Variants in SDK1 observed in about 807,000 individuals in gnomAD.
SDK1 encodes the protein sidekick cell adhesion molecule 1, also known as protein sidekick-1.
A neutral mutation model predicts 245.5 loss-of-function variants in SDK1; 157 were observed. The observed-to-expected ratio is 0.64, with a 90% CI of 0.56 to 0.73. The LOEUF (loss-of-function observed/expected upper bound fraction) is 0.73, where lower values mean the gene tolerates loss of function less well. Ranked by LOEUF, SDK1 falls within the 30% of genes least tolerant of loss-of-function variation. The pLI, the probability that SDK1 is intolerant of heterozygous loss-of-function variation, is 0.00. For missense variants in SDK1, 3,583 were observed against 3,002.3 expected (o/e 1.19, Z -4.52); for synonymous variants, 1,647 against 1,278.5 (o/e 1.29, Z -6.15).
At position 4,170,558 on chromosome 7, in the gene SDK1, C is replaced by A. The variant is rs150679797; in HGVS notation, c.4801-3664C>A. Reference sequence around the variant, plus strand: ...CAGGATTTCCACCACGCCCCCACATCTCTGGTGGTGCTTTCATCACGACAC... The same window carrying A: ...CAGGATTTCCACCACGCCCCCACATATCTGGTGGTGCTTTCATCACGACAC... On this transcript the variant is annotated intron_variant, in intron 32 of 44. Coordinates refer to ENST00000404826, the MANE Select transcript of SDK1 (RefSeq NM_152744.4). Among the ~76,000 whole-genome samples the A allele has an allele frequency of 3.0e-4, 46 of 152,330 alleles. 1 individual carries two copies. The East Asian group carries it at 7.7e-3, about 26-fold the overall frequency.
intron 1 of SDK1, among the ~76,000 whole-genome samples, chr7:3,538,096 C>A (rs1055445160): frequency 6.6e-6 from 1 of 152,088 alleles, no homozygotes; most frequent in Non-Finnish European, 1.5e-5. Flanking sequence ...TGGCCTTAGT[C>A]CCCACATTAT....
chr7:4,105,357 A>T (rs1331403288), intron 22 of SDK1, among the ~76,000 whole-genome samples: 1 of 145,214 alleles, frequency 6.9e-6, no homozygotes, highest in African/African-American at 2.6e-5. Context: ...GCCAGGCTGG[A>T]GTGCAGTGGC....
rs78904234 is a variant in SDK1 at position 3,644,590 on chromosome 7, C to G, written c.713+2485C>G. 5.5e-3 allele frequency among the ~76,000 whole-genome samples: 832 copies of G among 150,952 alleles called. 11 individuals are homozygous for G. Among genetic ancestry groups the G allele is most frequent in the African/African-American group, 0.019 (782 of 41,130 alleles). On this transcript the variant is annotated intron_variant, in intron 4 of 44. Coordinates refer to ENST00000404826, the MANE Select transcript of SDK1 (RefSeq NM_152744.4). ...AACAGCCTGGGCAACATACTGAAAC[C>G]TTATCTCTACTGAAAATTAAAAAAA...
chr7:3,358,884 T>A (rs1780878548), intron 1 of SDK1, among the ~76,000 whole-genome samples: 1 of 152,216 alleles, frequency 6.6e-6, no homozygotes, highest in African/African-American at 2.4e-5. Context: ...TGTTAAATGA[T>A]TGTTATGGGT....
chr7:3,560,985 C>T (rs1562563830), intron 1 of SDK1, among the ~76,000 whole-genome samples: 1 of 152,192 alleles, frequency 6.6e-6, no homozygotes, highest in Non-Finnish European at 1.5e-5. Context: ...AACATAAGGT[C>T]CTTTCTCACA....
intron 1 of SDK1, among the ~76,000 whole-genome samples, chr7:3,524,889 G>A (rs1029534268): frequency 1.3e-5 from 2 of 152,158 alleles, no homozygotes; most frequent in Admixed American, 6.5e-5. Flanking sequence ...AGTCACATCT[G>A]TAATCCCAGC....
chr7:3,641,054 CTA>C (rs1782634040), intron 3 of SDK1, among the ~76,000 whole-genome samples: 1 of 152,062 alleles, frequency 6.6e-6, no homozygotes, highest in African/African-American at 2.4e-5. Context: ...TTTGAAAAAA[CTA>C]TGAGTATTTT....
chr7:3,864,061 G>T (rs1006486459), intron 5 of SDK1, among the ~76,000 whole-genome samples: 5 of 152,094 alleles, frequency 3.3e-5, no homozygotes, highest in South Asian at 2.1e-4. Flanking sequence ...GTGCACACAG[G>T]TTCCAATTTT....
intron 1 of SDK1, among the ~76,000 whole-genome samples, chr7:3,500,703 G>A (rs1224074616): frequency 6.6e-6 from 1 of 151,930 alleles, no homozygotes; most frequent in Non-Finnish European, 1.5e-5. Context: ...TTCTAAGAAG[G>A]CTTCTAGAGT....
rs369367576 is a variant in SDK1, at chr7:3,535,001, C to T, written c.299-84079C>T. Among the ~76,000 whole-genome samples the T allele has an allele frequency of 8.7e-4, 132 of 152,274 alleles. 3 individuals are homozygous for T. In the South Asian group the frequency reaches 0.027, roughly 31 times the overall value. On this transcript the variant is annotated intron_variant, in intron 1 of 44. Coordinates refer to ENST00000404826, the MANE Select transcript of SDK1 (RefSeq NM_152744.4). Reference sequence around the variant, plus strand: ...CCCCGTGGGCTGTGTAAATGTCATGCAGTGGCTCACTCCTGTAATCCCAGC... The same window carrying T: ...CCCCGTGGGCTGTGTAAATGTCATGTAGTGGCTCACTCCTGTAATCCCAGC...
At chr7:4,239,766 C>T (rs1214667754) in intron 42 of SDK1, among the ~76,000 whole-genome samples, 1 of 152,226 alleles carries the variant, frequency 6.6e-6, no homozygotes, top group East Asian at 1.9e-4. Flanking sequence ...TGGGCCAGAC[C>T]TCTTCCTGAG....
In SDK1 at chr7:4,149,398, T is replaced by C. The variant is rs1429902470; in HGVS notation, c.4560T>C (p.Pro1520=). 6.3e-7 allele frequency: 1 copy of C among 1,582,546 alleles called. No individual in the cohort carries two copies. Among genetic ancestry groups the C allele is most frequent in the Middle Eastern group, 1.7e-4 (1 of 5,976 alleles). The change falls in exon 30 of 45, where the codon CCT becomes CCC. Residue 1520 remains proline, a synonymous_variant. Coordinates refer to ENST00000404826, the MANE Select transcript of SDK1 (RefSeq NM_152744.4). ...TCACCATGCAGGTGCGAGAGCTGCCTCGGGGTGAGTGGCAGACCTACTCCT... is the reference window on the plus strand; with the variant it reads ...TCACCATGCAGGTGCGAGAGCTGCCCCGGGGTGAGTGGCAGACCTACTCCT... The part of the protein sequence containing the change: ...RYFTMQVREL[P]RGEWQTYSSS...
chr7:3,795,679 G>A (rs17133852), intron 4 of SDK1, among the ~76,000 whole-genome samples: 1 of 152,046 alleles, frequency 6.6e-6, no homozygotes, highest in Non-Finnish European at 1.5e-5. Flanking sequence ...AACCCATCAC[G>A]TTAGATTGAG....
intron 1 of SDK1, among the ~76,000 whole-genome samples, chr7:3,437,597 C>T (rs931596210): frequency 1.3e-5 from 2 of 151,990 alleles, no homozygotes; most frequent in African/African-American, 4.8e-5. Flanking sequence ...CAGCAAGACC[C>T]CTTCTCTACA....
chr7:4,110,737 G>A lies in SDK1; in HGVS notation c.3399G>A (p.Leu1133=), dbSNP rs750868978. The A allele has an allele frequency of 3.7e-6, 6 of 1,613,712 alleles. No individual in the cohort carries two copies. Among genetic ancestry groups the A allele is most frequent in the South Asian group, 1.1e-5 (1 of 91,076 alleles). ...EEENEPDAQM[L]EIPNLTPYTH... ...AGAATGAGCCTGATGCCCAGATGCT[G>A]GAGATCCCAAACCTCACACCCTACA... The change falls in exon 23 of 45, where the codon CTG becomes CTA. Residue 1133 remains leucine, a synonymous_variant. Transcript: ENST00000404826.
chr7:3,940,781 G>A (rs952756566), intron 5 of SDK1, among the ~76,000 whole-genome samples: 42 of 152,006 alleles, frequency 2.8e-4, no homozygotes, highest in African/African-American at 1.0e-3. Context: ...AGATCATGCC[G>A]CTGCACTCCA....
intron 4 of SDK1, among the ~76,000 whole-genome samples, chr7:3,656,645 C>T (rs991187036): frequency 5.3e-5 from 8 of 152,020 alleles, no homozygotes; most frequent in African/African-American, 1.9e-4. Flanking sequence ...AGCCAAGGGT[C>T]AGTGGGACTC....
At chr7:3,948,474 G>T (rs1284712450) in intron 5 of SDK1, among the ~76,000 whole-genome samples, 1 of 152,094 alleles carries the variant, frequency 6.6e-6, no homozygotes, top group African/African-American at 2.4e-5. Context: ...GTGTTAGCCA[G>T]GATGGTCTCG....
chr7:3,450,563 T>G (rs1780483256), intron 1 of SDK1, among the ~76,000 whole-genome samples: 1 of 152,194 alleles, frequency 6.6e-6, no homozygotes, highest in African/African-American at 2.4e-5. Context: ...TGCAGGGATT[T>G]GGTTTATGAA....
Sources: gnomAD v4.1 joint callset for allele counts (sites outside exome capture counted in the v4.1 genomes callset) on GRCh38, gnomAD v4.1.1 for gene constraint, MANE v1.5 for transcripts, NCBI Gene and HGNC (gene_info 2026-07-23, HGNC 2026-07-21) for gene names.